Variants in ITPKB observed in about 807,000 individuals in gnomAD.
ITPKB encodes the protein IP3 3-kinase B.
ITPKB carries 13 observed loss-of-function variants against 69.4 expected under a neutral mutation model. The observed-to-expected ratio is 0.19, with a 90% CI of 0.12 to 0.30. The LOEUF (loss-of-function observed/expected upper bound fraction) is 0.30. Among genes scored for constraint, ITPKB ranks in the 10% least tolerant of loss-of-function variants. ITPKB has a pLI of 1.00. For synonymous variants in ITPKB, 584 were observed against 513.7 expected, an observed-to-expected ratio of 1.14 and a Z score of -1.85; for missense variants, 1,240 against 1,250.5, an observed-to-expected ratio of 0.99 and a Z score of 0.13.
intron 2 of ITPKB, among the ~76,000 whole-genome samples, chr1:226,682,029 G>A (rs1426286890): frequency 6.6e-6 from 1 of 152,198 alleles, no homozygotes; most frequent in East Asian, 1.9e-4. Flanking sequence ...AGGATCCCCA[G>A]GCAGCTGCCA....
chr1:226,714,320 G>A (rs561614963), intron 2 of ITPKB, among the ~76,000 whole-genome samples: 129 of 152,342 alleles, frequency 8.5e-4, no homozygotes, highest in African/African-American at 3.0e-3. Flanking sequence ...TGAGACCACA[G>A]CTGACCCAGA....
At position 226,642,380 on chromosome 1, in the gene ITPKB, G is replaced by A. The variant is rs114958890; in HGVS notation, c.2247-255C>T. Among the ~76,000 whole-genome samples, 1,389 of 151,806 alleles carry A rather than the reference G, an allele frequency of 9.1e-3. 26 individuals are homozygous for A. The highest frequency in any genetic ancestry group is 0.032 in the African/African-American group (1,314 of 41,372). ...TAAGGGAGTCTCGCTATGTTGCCCC[G>A]GCTGGTCTCAAACTTCTAGCCTCAA... On this transcript the variant is annotated intron_variant, in intron 4 of 7. Coordinates refer to ENST00000429204, the MANE Select transcript of ITPKB (RefSeq NM_002221.4). The surrounding 1 kb of genome is among the most constrained non-coding windows in gnomAD (Gnocchi z 6.4).
chr1:226,702,791 T>C (rs1656700202), intron 2 of ITPKB, among the ~76,000 whole-genome samples: 1 of 152,240 alleles, frequency 6.6e-6, no homozygotes. Context: ...CAACAGATAC[T>C]GCATTCCAAT....
Position 226,736,434 on chromosome 1 carries a change from A to G in ITPKB, c.1025T>C (p.Leu342Pro), listed in dbSNP as rs1343168085. Residue 342 changes from leucine to proline, a missense_variant, in exon 2 of 8, where the codon CTG becomes CCG. Transcript: ENST00000429204. ...CAGAAACTGCCCCTGCCTCTCCACC[A>G]GGGCCTCTGGGGGCTGCAGGTCCTC... Reference protein sequence around the residue: ...ELEDLQPPEALVERQGQFLGS... With the variant: ...ELEDLQPPEAPVERQGQFLGS... The G allele has an allele frequency of 1.9e-6, 3 of 1,613,112 alleles. No homozygotes were observed. Among genetic ancestry groups the G allele is most frequent in the Non-Finnish European group, 2.5e-6 (3 of 1,179,980 alleles).
At chr1:226,649,290 C>CGT (rs375474345) in intron 2 of ITPKB, among the ~76,000 whole-genome samples, 2 of 139,144 alleles carry the variant, frequency 1.4e-5, no homozygotes, top group South Asian at 2.3e-4. Context: ...TGTGTGTGTG[C>CGT]GTGTGTGTGC....
At chr1:226,636,225 C>T (rs1668834672) in intron 7 of ITPKB, among the ~76,000 whole-genome samples, 3 of 152,292 alleles carry the variant, frequency 2.0e-5, no homozygotes, top group Non-Finnish European at 2.9e-5. Context: ...AGAGAGGCAG[C>T]TGGGGCAAAG....
chr1:226,735,844 T>A lies in ITPKB; in HGVS notation c.1615A>T (p.Ser539Cys), dbSNP rs755872666. The change falls in exon 2 of 8, where the codon AGT becomes TGT. Residue 539 changes from serine to cysteine, a missense_variant. Physicochemically the swap from Ser to Cys is moderately radical, Grantham distance 112. Coordinates refer to ENST00000429204, the MANE Select transcript of ITPKB (RefSeq NM_002221.4). ...AGCTCCGGACTTGGGAGGGCATCACTGTCCTGCCGCTGGCTTTCCCAAGTC... is the reference window on the plus strand; with the variant it reads ...AGCTCCGGACTTGGGAGGGCATCACAGTCCTGCCGCTGGCTTTCCCAAGTC... Reference protein sequence around the residue: ...EGTWESQRQDSDALPSPELLP... With the variant: ...EGTWESQRQDCDALPSPELLP... The A allele has an allele frequency of 2.8e-5, 45 of 1,607,916 alleles. No individual in the cohort carries two copies. The South Asian group carries it at 4.9e-4, about 18-fold the overall frequency.
rs1378310265 is a variant in ITPKB at position 226,661,264 on chromosome 1, G to C, written c.1933-12493C>G. On this transcript the variant is annotated intron_variant, in intron 2 of 7. Transcript: ENST00000429204. ...GAGCGCAGCCCATAGCATGCGAGCT[G>C]TTCTAGTGCCAGTTCAAGAAATAGC... is the stretch of plus-strand genomic sequence containing the variant. Among the ~76,000 whole-genome samples, 3 of 152,236 alleles carry C rather than the reference G, an allele frequency of 2.0e-5. No individual in the cohort carries two copies. The East Asian group carries it at 5.8e-4, about 29-fold the overall frequency.
chr1:226,663,495 C>A (rs901127318), intron 2 of ITPKB, among the ~76,000 whole-genome samples: 10 of 151,870 alleles, frequency 6.6e-5, no homozygotes, highest in African/African-American at 2.4e-4. Context: ...TACAATGATT[C>A]AACATTTCTT....
chr1:226,693,272 G>C (rs1046595317), intron 2 of ITPKB, among the ~76,000 whole-genome samples: 4 of 152,150 alleles, frequency 2.6e-5, no homozygotes, highest in African/African-American at 4.8e-5. Context: ...AGATCTCTTC[G>C]GGCTTCTGGA....
At position 226,737,442 on chromosome 1, in the gene ITPKB, T is replaced by A; in HGVS notation, c.17A>T (p.Tyr6Phe). The change falls in exon 2 of 8, where the codon TAT becomes TTT. Residue 6 changes from tyrosine (Y) to phenylalanine (F), a missense_variant. Physicochemically the swap from Tyr to Phe is conservative, Grantham distance 22. Coordinates refer to ENST00000429204, the MANE Select transcript of ITPKB (RefSeq NM_002221.4). MAVYC[Y>F]ALNSLVIMNS... is the part of the protein sequence containing the mutation. The stretch of plus-strand genomic sequence containing the variant: ...CATGATCACCAGGCTATTGAGCGCA[T>A]AGCAGTACACAGCCATAGTACTGGG... 1 of 1,611,026 alleles carries A rather than the reference T, an allele frequency of 6.2e-7. No homozygotes were observed. The highest frequency in any genetic ancestry group is 8.5e-7 in the Non-Finnish European group (1 of 1,179,484).
chr1:226,711,467 GT>G (rs1656958556), intron 2 of ITPKB, among the ~76,000 whole-genome samples: 2 of 138,282 alleles, frequency 1.4e-5, no homozygotes, highest in South Asian at 4.7e-4. Flanking sequence ...GTGTGTGTGT[GT>G]TGTGTATGTT....
At chr1:226,691,914 C>T (rs1475965679) in intron 2 of ITPKB, among the ~76,000 whole-genome samples, 1 of 152,182 alleles carries the variant, frequency 6.6e-6, no homozygotes, top group African/African-American at 2.4e-5. Flanking sequence ...TCAGTGGTCA[C>T]CCAGGGCCCA....
Position 226,737,132 on chromosome 1 carries a change from G to A in ITPKB, c.327C>T (p.Asp109=), listed in dbSNP as rs774712780. Residue 109 remains aspartate (D), a synonymous_variant, in exon 2 of 8, where the codon GAC becomes GAT. Coordinates refer to ENST00000429204, the MANE Select transcript of ITPKB (RefSeq NM_002221.4). ...SPSWAGRLRG[D]RQQVVAAGTL... is the part of the protein sequence containing the mutation. Reference sequence around the variant, plus strand: ...TACCGGCTGCCACCACCTGCTGCCGGTCCCCTCGCAGGCGACCAGCCCAAC... The same window carrying A: ...TACCGGCTGCCACCACCTGCTGCCGATCCCCTCGCAGGCGACCAGCCCAAC... 11 of 1,602,360 alleles carry A rather than the reference G, an allele frequency of 6.9e-6. No homozygotes were observed. Among genetic ancestry groups the A allele is most frequent in the South Asian group, 1.1e-5 (1 of 91,056 alleles).
intron 2 of ITPKB, among the ~76,000 whole-genome samples, chr1:226,692,950 A>T (rs1656392301): frequency 6.6e-6 from 1 of 152,238 alleles, no homozygotes; most frequent in East Asian, 1.9e-4. Flanking sequence ...TCCTAAGTCC[A>T]CAGCTTTCAG....
At chr1:226,721,779 G>A (rs1455623969) in intron 2 of ITPKB, among the ~76,000 whole-genome samples, 1 of 151,570 alleles carries the variant, frequency 6.6e-6, no homozygotes. Context: ...ACAGGCGTGA[G>A]CCACCGCACC....
rs1668966680 is a variant in ITPKB at position 226,641,759 on chromosome 1, GAA to G, written c.2451+160_2451+161del. ...CCCCTACACAGCCATCCCGCCTGAG[GAA>G]TAGGCTGATGTCTCCAAATGTCTGG... is the stretch of plus-strand genomic sequence containing the variant. On this transcript the variant is annotated intron_variant, in intron 5 of 7. Coordinates refer to ENST00000429204, the MANE Select transcript of ITPKB (RefSeq NM_002221.4). This position sits in a 1 kb window ranked among gnomAD's most constrained non-coding sequence, Gnocchi z 4.6. Among the ~76,000 whole-genome samples, 1 of 152,278 alleles carries G rather than the reference GAA, an allele frequency of 6.6e-6. No homozygotes were observed.
chr1:226,634,905 T>A lies in ITPKB; in HGVS notation c.2626-19A>T. ...CAATGACCTGAGGAGAACATGGGGG[T>A]GAAGGGTGAGCTGAAGCCCGGGCCT... On this transcript the variant is annotated intron_variant, in intron 7 of 7. Coordinates refer to ENST00000429204, the MANE Select transcript of ITPKB (RefSeq NM_002221.4). This position sits in a 1 kb window ranked among gnomAD's most constrained non-coding sequence, Gnocchi z 6.3. 1 of 1,596,566 alleles carries A rather than the reference T, an allele frequency of 6.3e-7. No homozygotes were observed. The highest frequency in any genetic ancestry group is 8.6e-7 in the Non-Finnish European group (1 of 1,167,530).
intron 4 of ITPKB, among the ~76,000 whole-genome samples, chr1:226,645,305 C>A (rs975398913): frequency 3.3e-5 from 5 of 152,200 alleles, no homozygotes; most frequent in Non-Finnish European, 7.3e-5. Flanking sequence ...CTTCCCTCTG[C>A]CTGCCAAGAT....
Sources: gnomAD v4.1 joint callset for allele counts (sites outside exome capture counted in the v4.1 genomes callset) on GRCh38, gnomAD v4.1.1 for gene constraint, Gnocchi (gnomAD v3.1) non-coding constraint, MANE v1.5 for transcripts, NCBI Gene and HGNC (gene_info 2026-07-23, HGNC 2026-07-21) for gene names.